Variants in MIR2052HG observed in about 807,000 individuals in gnomAD.
MIR2052HG encodes MIR2052 host gene.
At chr8:74,675,419 T>C (rs1054819925) in intron 2 of MIR2052HG, among the ~76,000 whole-genome samples, 4 of 152,072 alleles carry the variant, frequency 2.6e-5, no homozygotes, top group Non-Finnish European at 4.4e-5. Context: ...CTAGAGCTAA[T>C]TTAAAGTATT....
chr8:74,652,967 A>G (rs1182017348), intron 2 of MIR2052HG, among the ~76,000 whole-genome samples: 2 of 152,242 alleles, frequency 1.3e-5, no homozygotes, highest in African/African-American at 2.4e-5. Context: ...TTAGCATGCC[A>G]TAACAAATTC....
At chr8:74,709,126 T>G (rs900817478) in intron 4 of MIR2052HG, among the ~76,000 whole-genome samples, 13 of 152,154 alleles carry the variant, frequency 8.5e-5, no homozygotes. Flanking sequence ...TTGAGTGAGC[T>G]AATTAGACAA....
intron 2 of MIR2052HG, among the ~76,000 whole-genome samples, chr8:74,660,340 C>G (rs1165271392): frequency 6.6e-6 from 1 of 152,156 alleles, no homozygotes; most frequent in Non-Finnish European, 1.5e-5. Flanking sequence ...AAGACTCTGG[C>G]CCAGCTCATT....
intron 4 of MIR2052HG, among the ~76,000 whole-genome samples, chr8:74,706,440 C>A (rs1586919319): frequency 1.3e-5 from 2 of 152,164 alleles, no homozygotes; most frequent in Non-Finnish European, 2.9e-5. Flanking sequence ...AGCTTCCAGG[C>A]AAATTAATTA....
At chr8:74,696,937 A>C (rs899582421) in intron 2 of MIR2052HG, among the ~76,000 whole-genome samples, 2 of 152,148 alleles carry the variant, frequency 1.3e-5, no homozygotes, top group Non-Finnish European at 2.9e-5. Context: ...TCCACGAGAT[A>C]GAGAAAGAGG....
chr8:74,675,501 T>A (rs1809041079), intron 2 of MIR2052HG, among the ~76,000 whole-genome samples: 1 of 152,004 alleles, frequency 6.6e-6, no homozygotes, highest in East Asian at 1.9e-4. Context: ...TTTTAGTATC[T>A]ATAGGGAGTG....
intron 2 of MIR2052HG, among the ~76,000 whole-genome samples, chr8:74,618,135 G>A (rs1021886375): frequency 1.3e-5 from 2 of 152,096 alleles, no homozygotes; most frequent in African/African-American, 2.4e-5. Flanking sequence ...CAATTCCATC[G>A]CTTTAAGCAC....
intron 4 of MIR2052HG, among the ~76,000 whole-genome samples, chr8:74,711,417 A>G (rs1313465471): frequency 2.0e-5 from 3 of 152,234 alleles, no homozygotes; most frequent in African/African-American, 2.4e-5. Flanking sequence ...ATGAATGAAT[A>G]GAATTTCAGC....
chr8:74,714,927 G>T (rs902682048), intron 4 of MIR2052HG, among the ~76,000 whole-genome samples: 2 of 151,854 alleles, frequency 1.3e-5, no homozygotes, highest in South Asian at 4.2e-4. Flanking sequence ...TGATCCACCC[G>T]CCTTGGCCTC....
At chr8:74,641,728 A>T (rs959754173) in intron 2 of MIR2052HG, among the ~76,000 whole-genome samples, 1 of 152,208 alleles carries the variant, frequency 6.6e-6, no homozygotes, top group African/African-American at 2.4e-5. Context: ...ATCAATATAC[A>T]TGAACCTGTT....
At chr8:74,602,466 C>A (rs1173976786) in intron 1 of MIR2052HG, among the ~76,000 whole-genome samples, 2 of 152,056 alleles carry the variant, frequency 1.3e-5, no homozygotes, top group Admixed American at 1.3e-4. Context: ...AAATAGACAA[C>A]CAACAGCTAC....
chr8:74,691,612 AC>A (rs1563532684), intron 2 of MIR2052HG, among the ~76,000 whole-genome samples: 1 of 152,160 alleles, frequency 6.6e-6, no homozygotes, highest in African/African-American at 2.4e-5. Flanking sequence ...GTAGGTGGAA[AC>A]CCAATTCCAT....
intron 1 of MIR2052HG, chr8:74,604,006 T>C: frequency 1.0e-6 from 1 of 983,934 alleles, no homozygotes; most frequent in Non-Finnish European, 1.7e-6. Context: ...TATGTCCTCT[T>C]CCAGTTTGTC....
chr8:74,656,284 T>G (rs112267294), intron 2 of MIR2052HG, among the ~76,000 whole-genome samples: 10,606 of 152,090 alleles, frequency 0.07, 561 homozygotes, highest in African/African-American at 0.14. Flanking sequence ...TTTTGAAATG[T>G]GAGGGCATGA....
chr8:74,608,370 T>C (rs1466409474), intron 1 of MIR2052HG, among the ~76,000 whole-genome samples: 1 of 152,214 alleles, frequency 6.6e-6, no homozygotes. Flanking sequence ...TAACTCTTTT[T>C]TTCTTTAACA....
chr8:74,686,832 C>G (rs1809186652), intron 2 of MIR2052HG, among the ~76,000 whole-genome samples: 1 of 152,006 alleles, frequency 6.6e-6, no homozygotes, highest in East Asian at 1.9e-4. Context: ...ACAGGAGAGG[C>G]AGTTGATATT....
At chr8:74,646,556 G>A (rs1265708097) in intron 2 of MIR2052HG, among the ~76,000 whole-genome samples, 1 of 152,148 alleles carries the variant, frequency 6.6e-6, no homozygotes, top group Admixed American at 6.5e-5. Flanking sequence ...GGTAATTCAA[G>A]TTAGCTGTGG....
intron 4 of MIR2052HG, among the ~76,000 whole-genome samples, chr8:74,727,770 T>G (rs573224765): frequency 2.6e-5 from 4 of 152,224 alleles, no homozygotes; most frequent in Admixed American, 2.0e-4. Context: ...AACAATAAAT[T>G]AAAGAGCTCT....
At chr8:74,633,689 G>T (rs1248824675) in intron 2 of MIR2052HG, among the ~76,000 whole-genome samples, 1 of 152,170 alleles carries the variant, frequency 6.6e-6, no homozygotes, top group Admixed American at 6.5e-5. Context: ...ACTGTTCATT[G>T]GGGCTGCACT....
Sources: allele counts gnomAD v4.1 joint callset (sites outside exome capture counted in the v4.1 genomes callset), GRCh38; gene constraint gnomAD v4.1.1; transcripts MANE v1.5; gene names NCBI Gene and HGNC (gene_info 2026-07-23, HGNC 2026-07-21).